PALM2AKAP2: variants seen among roughly 807,000 people sequenced by gnomAD.
PALM2AKAP2 encodes PALM2-AKAP2 fusion protein.
PALM2AKAP2 carries 37 observed loss-of-function variants against 71.5 expected under a neutral mutation model. The ratio of observed to expected loss-of-function variants is 0.52; its 90% CI spans 0.40 to 0.68. PALM2AKAP2 has a LOEUF of 0.68. PALM2AKAP2 is among the 30% of genes least tolerant of loss of function. The probability of loss-of-function intolerance (pLI) is 0.00; values close to 1 mark genes in which losing one functional copy is unlikely to be tolerated. For missense variants in PALM2AKAP2, 1,224 were observed against 1,191.8 expected (o/e 1.03, Z -0.40); for synonymous variants, 468 against 478.8 (o/e 0.98, Z 0.29).
At chr9:109,663,197 G>T (rs566121907) in intron 1 of PALM2AKAP2, among the ~76,000 whole-genome samples, 1 of 152,044 alleles carries the variant, frequency 6.6e-6, no homozygotes. Context: ...TTTCAGTTCT[G>T]CTCTGATCTT....
chr9:110,108,286 A>G lies in PALM2AKAP2; in HGVS notation c.157-27841A>G, dbSNP rs186340100. ...GCCACCACGCCCAGCTAATTTTTGT[A>G]TTTTTTAGTAGAGACAGGTTTTCAC... On this transcript the variant is annotated intron_variant, in intron 1 of 3. Coordinates refer to ENST00000374525, the Ensembl canonical transcript of PALM2AKAP2. 8.7e-3 allele frequency among the ~76,000 whole-genome samples: 1,320 copies of G among 151,146 alleles called. 24 individuals are homozygous for G. Among genetic ancestry groups the G allele is most frequent in the Non-Finnish European group, 8.0e-3 (541 of 67,694 alleles).
chr9:110,105,495 T>A (rs1835097439), intron 1 of PALM2AKAP2, among the ~76,000 whole-genome samples: 1 of 152,230 alleles, frequency 6.6e-6, no homozygotes, highest in South Asian at 2.1e-4. Flanking sequence ...AGGACTCCCA[T>A]TACTTATCCA....
At chr9:109,910,712 C>T (rs1218211540) in intron 3 of PALM2AKAP2, among the ~76,000 whole-genome samples, 1 of 151,728 alleles carries the variant, frequency 6.6e-6, no homozygotes, top group African/African-American at 2.4e-5. Flanking sequence ...GAGGCATGGA[C>T]TTGACTAAAA....
chr9:109,825,183 C>T (rs10759374), intron 1 of PALM2AKAP2, among the ~76,000 whole-genome samples: 42,311 of 151,990 alleles, frequency 0.28, 6,130 homozygotes, highest in East Asian at 0.48. Context: ...ACTGGATCCC[C>T]TCCTTACACC....
At chr9:110,089,748 G>A (rs1294492256) in intron 1 of PALM2AKAP2, among the ~76,000 whole-genome samples, 1 of 152,142 alleles carries the variant, frequency 6.6e-6, no homozygotes, top group Non-Finnish European at 1.5e-5. Context: ...CTTCCTCTCT[G>A]TAAAGGTGCC....
At chr9:110,168,028 T>TA (rs1269196019) in intron 3 of PALM2AKAP2, among the ~76,000 whole-genome samples, 7 of 152,218 alleles carry the variant, frequency 4.6e-5, no homozygotes, top group African/African-American at 1.4e-4. Flanking sequence ...ATAGCAGAGA[T>TA]ACGTTTTCAT....
At position 110,014,800 on chromosome 9, in the gene PALM2AKAP2, AAAAATGTATATATATAT is replaced by A. The variant is rs1299015066; in HGVS notation, c.497-1152_497-1136del. Among the ~76,000 whole-genome samples the A allele has an allele frequency of 9.0e-3, 465 of 51,674 alleles. 20 individuals are homozygous for A. Among genetic ancestry groups the A allele is most frequent in the African/African-American group, 0.031 (427 of 13,682 alleles). The allele number at this position is 51,674 out of a possible 152,430, so 33.9% of individuals were successfully genotyped here. On this transcript the variant is annotated intron_variant, in intron 6 of 9. Coordinates refer to the PALM2AKAP2 transcript ENST00000302798. Reference sequence around the variant, plus strand: ...GTCTCAAAAAAAAAAAAAAAAAAAAAAAAATGTATATATATATATATATATATATATATATATATATA... The same window carrying A: ...GTCTCAAAAAAAAAAAAAAAAAAAAAATATATATATATATATATATATATA...
intron 6 of PALM2AKAP2, among the ~76,000 whole-genome samples, chr9:109,976,806 A>G (rs1319730872): frequency 6.6e-6 from 1 of 152,198 alleles, no homozygotes; most frequent in Non-Finnish European, 1.5e-5. Flanking sequence ...GAAGAGTCTG[A>G]GGCTCAAAGG....
chr9:109,664,915 C>T (rs1827457478), intron 1 of PALM2AKAP2, among the ~76,000 whole-genome samples: 2 of 152,056 alleles, frequency 1.3e-5, no homozygotes, highest in Admixed American at 1.3e-4. Context: ...CTAACTTTAT[C>T]ACTTCATTTC....
chr9:109,801,971 A>G (rs1168528693), intron 1 of PALM2AKAP2, among the ~76,000 whole-genome samples: 1 of 152,178 alleles, frequency 6.6e-6, no homozygotes, highest in Non-Finnish European at 1.5e-5. Context: ...TTCCTGATGA[A>G]TGGGCAATTT....
intron 1 of PALM2AKAP2, among the ~76,000 whole-genome samples, chr9:109,673,963 C>T (rs1827612784): frequency 6.6e-6 from 1 of 152,072 alleles, no homozygotes; most frequent in African/African-American, 2.4e-5. Context: ...GATTTTTCTC[C>T]ATACCTTTAT....
chr9:109,925,203 A>C, intron 5 of PALM2AKAP2, 121 bp downstream of exon 5: 1 of 1,495,900 alleles, frequency 6.7e-7, no homozygotes, highest in Non-Finnish European at 9.2e-7. Flanking sequence ...CAGAAGAAGT[A>C]GCAGCGCTGG....
chr9:110,017,598 T>C (rs1187903119), intron 7 of PALM2AKAP2, among the ~76,000 whole-genome samples: 1 of 152,190 alleles, frequency 6.6e-6, no homozygotes, highest in Non-Finnish European at 1.5e-5. Context: ...TCTGGAGAAT[T>C]AGTTTTTGAG....
Position 109,750,571 on chromosome 9 carries a change from C to CGTGTGTGTGTGT in PALM2AKAP2, c.6-29898_6-29887dup, listed in dbSNP as rs111708702. The stretch of plus-strand genomic sequence containing the variant: ...TCATCCTCAGAGCTCTGCCCTAGGA[C>CGTGTGTGTGTGT]GTGTGTGTGTGTGTGTGTGTGTGTG... On this transcript the variant is annotated intron_variant, in intron 1 of 6. Transcript: ENST00000374531. Among the ~76,000 whole-genome samples the CGTGTGTGTGTGT allele has an allele frequency of 7.2e-3, 1,067 of 147,286 alleles. 11 individuals carry two copies. The highest frequency in any genetic ancestry group is 0.018 in the African/African-American group (706 of 39,692).
intron 1 of PALM2AKAP2, among the ~76,000 whole-genome samples, chr9:110,127,466 C>G (rs993225646): frequency 2.6e-5 from 4 of 152,084 alleles, no homozygotes; most frequent in South Asian, 2.1e-4. Flanking sequence ...TTCCACAGGC[C>G]GGAAGAAGCT....
Position 110,048,707 on chromosome 9 carries a change from G to A in PALM2AKAP2, c.8G>A (p.Trp3Ter), listed in dbSNP as rs757846879. ...GGCTACCACTCCCTGCAGATGCGCTGGCCCCAGCCCGGGGCTGCCGCTCGC... is the reference window on the plus strand; with the variant it reads ...GGCTACCACTCCCTGCAGATGCGCTAGCCCCAGCCCGGGGCTGCCGCTCGC... Residue 3 changes from tryptophan to a stop codon, truncating the protein, a stop_gained, in exon 1 of 4, where the codon TGG becomes TAG. Coordinates refer to ENST00000374525, the Ensembl canonical transcript of PALM2AKAP2. LOFTEE classifies it high-confidence loss of function. The A allele has an allele frequency of 2.6e-6, 4 of 1,547,008 alleles. No homozygotes were observed. Among genetic ancestry groups the A allele is most frequent in the Non-Finnish European group, 3.5e-6 (4 of 1,155,160 alleles).
intron 1 of PALM2AKAP2, among the ~76,000 whole-genome samples, chr9:109,703,152 T>C (rs1828089563): frequency 6.6e-6 from 1 of 152,170 alleles, no homozygotes; most frequent in Admixed American, 6.6e-5. Context: ...CATTTCCCAT[T>C]TGGTTGAATT....
intron 1 of PALM2AKAP2, among the ~76,000 whole-genome samples, chr9:109,815,428 G>C (rs1336978317): frequency 2.0e-5 from 3 of 152,168 alleles, no homozygotes; most frequent in African/African-American, 7.2e-5. Flanking sequence ...CTTTAGCCAT[G>C]GATGTGAATG....
intron 1 of PALM2AKAP2, among the ~76,000 whole-genome samples, chr9:109,723,292 G>T (rs1416039890): frequency 6.6e-6 from 1 of 152,164 alleles, no homozygotes; most frequent in African/African-American, 2.4e-5. Flanking sequence ...GTCTAATTAT[G>T]ATGACCCATA....
Sources: gnomAD v4.1 joint callset for allele counts (sites outside exome capture counted in the v4.1 genomes callset) on GRCh38, gnomAD v4.1.1 for gene constraint, MANE v1.5 for transcripts, NCBI Gene and HGNC (gene_info 2026-07-23, HGNC 2026-07-21) for gene names.